PCDHA11: variants seen among roughly 807,000 people sequenced by gnomAD.
The protein encoded by PCDHA11 is protocadherin alpha-11.
Under a neutral mutation model 70.3 loss-of-function variants are expected in PCDHA11, and 61 were observed. The ratio of observed to expected loss-of-function variants is 0.87; its 90% CI spans 0.71 to 1.07. The LOEUF is 1.07. PCDHA11 is among the 50% of genes least tolerant of loss of function. PCDHA11 has a pLI of 0.00. For synonymous variants in PCDHA11, 633 were observed against 555.1 expected, an observed-to-expected ratio of 1.14 and a Z score of -1.97; for missense variants, 1,324 against 1,237.5, an observed-to-expected ratio of 1.07 and a Z score of -1.05.
At chr5:141,007,839 A>C (rs782046722) in intron 3 of PCDHA11, among the ~76,000 whole-genome samples, 2 of 152,226 alleles carry the variant, frequency 1.3e-5, no homozygotes, top group Non-Finnish European at 2.9e-5. Context: ...TACCCATTAG[A>C]GACTCAAAGT....
chr5:140,883,768 C>T, intron 1 of PCDHA11: 1 of 1,612,160 alleles, frequency 6.2e-7, no homozygotes, highest in Non-Finnish European at 8.5e-7. Flanking sequence ...GGCGGGTGGG[C>T]GAGCGTGCGC....
intron 1 of PCDHA11, among the ~76,000 whole-genome samples, chr5:140,961,697 T>A (rs1326642906): frequency 6.6e-6 from 1 of 152,232 alleles, no homozygotes; most frequent in Non-Finnish European, 1.5e-5. Flanking sequence ...GTCCTTAGTA[T>A]GAATGCCTTC....
chr5:141,008,036 C>G (rs1372261299), intron 3 of PCDHA11, among the ~76,000 whole-genome samples: 1 of 151,938 alleles, frequency 6.6e-6, no homozygotes, highest in Non-Finnish European at 1.5e-5. Context: ...GTTAATCTGC[C>G]TTTTGTAACA....
At chr5:140,956,925 G>GA (rs1487375223) in intron 1 of PCDHA11, among the ~76,000 whole-genome samples, 1 of 151,858 alleles carries the variant, frequency 6.6e-6, no homozygotes, top group Non-Finnish European at 1.5e-5. Context: ...AATCTTGCTG[G>GA]ATATAGGATA....
intron 1 of PCDHA11, chr5:140,930,379 G>T (rs1249793792): frequency 6.6e-6 from 1 of 151,896 alleles, no homozygotes; most frequent in African/African-American, 2.4e-5. Flanking sequence ...GTGGCCCTTG[G>T]CATTTCAAAA....
chr5:140,884,988 ATGTT>A (rs1398620689), intron 1 of PCDHA11, among the ~76,000 whole-genome samples: 1 of 152,242 alleles, frequency 6.6e-6, no homozygotes, highest in Non-Finnish European at 1.5e-5. Context: ...CATTTAGAAA[ATGTT>A]TGTTTTAATG....
chr5:140,993,234 A>AATCTG (rs1554253510), intron 3 of PCDHA11, among the ~76,000 whole-genome samples: 1 of 152,130 alleles, frequency 6.6e-6, no homozygotes, highest in Non-Finnish European at 1.5e-5. Flanking sequence ...GTTCTCTCTG[A>AATCTG]ATCTGGGGAT....
rs375716587 is a variant in PCDHA11 at position 140,871,025 on chromosome 5, C to T, written c.1922C>T (p.Ser641Leu). ...ACGCGTGCCCTGGACGAGGCAGACT[C>T]GCCGCGCCACCGACTTCTAGTACTG... ...STTRALDEAD[S>L]PRHRLLVLVK... is the part of the protein sequence containing the mutation. The change falls in exon 1 of 4, where the codon TCG becomes TTG. Residue 641 changes from serine (S) to leucine (L), a missense_variant. Transcript: ENST00000398640. 13 of 1,613,228 alleles carry T rather than the reference C, an allele frequency of 8.1e-6. No homozygotes were observed. Among genetic ancestry groups the T allele is most frequent in the Admixed American group, 1.7e-5 (1 of 60,010 alleles).
chr5:140,871,314 G>T lies in PCDHA11; in HGVS notation c.2211G>T (p.Thr737=). ...GCGCGTGCGCGCCGGGGAAGCCCAC[G>T]CTGGTGTGCTCCCGCGCGGTGGGGA... ...TEGACAPGKP[T]LVCSRAVGSW... The change falls in exon 1 of 4, where the codon ACG becomes ACT. Residue 737 remains threonine, a synonymous_variant. Coordinates refer to ENST00000398640, the MANE Select transcript of PCDHA11 (RefSeq NM_018902.5). 1.2e-6 allele frequency: 2 copies of T among 1,614,048 alleles called. No individual in the cohort carries two copies. The highest frequency in any genetic ancestry group is 1.7e-6 in the Non-Finnish European group (2 of 1,180,004).
intron 1 of PCDHA11, among the ~76,000 whole-genome samples, chr5:140,913,322 T>G (rs1348973730): frequency 6.6e-6 from 1 of 152,190 alleles, no homozygotes; most frequent in Non-Finnish European, 1.5e-5. Context: ...GTAAGTTGTA[T>G]GTGTCTAGGA....
chr5:140,972,399 T>C (rs1554234105), intron 1 of PCDHA11, among the ~76,000 whole-genome samples: 2 of 152,062 alleles, frequency 1.3e-5, no homozygotes, highest in South Asian at 2.1e-4. Context: ...TGCTTCACTA[T>C]TGGCAAACCC....
chr5:140,985,268 A>G (rs1399255449), intron 3 of PCDHA11, among the ~76,000 whole-genome samples: 6 of 152,098 alleles, frequency 3.9e-5, no homozygotes, highest in African/African-American at 1.2e-4. Context: ...TTTCTGGACT[A>G]CTTTTCTGCA....
intron 1 of PCDHA11, among the ~76,000 whole-genome samples, chr5:140,904,446 T>C (rs34807894): frequency 0.32 from 47,642 of 151,146 alleles, 7,868 homozygotes; most frequent in East Asian, 0.52. Context: ...TATTACAATT[T>C]CTTTATACAC....
At chr5:140,874,703 A>G (rs782809395) in intron 1 of PCDHA11, among the ~76,000 whole-genome samples, 16 of 152,270 alleles carry the variant, frequency 1.1e-4, no homozygotes, top group Admixed American at 7.2e-4. Flanking sequence ...TATGGAAATG[A>G]GAGCAGTTAT....
intron 1 of PCDHA11, among the ~76,000 whole-genome samples, chr5:140,872,046 C>T (rs1554166008): frequency 6.6e-6 from 1 of 152,230 alleles, no homozygotes; most frequent in Non-Finnish European, 1.5e-5. Context: ...AGAATTCTCC[C>T]ACTTCAGCCT....
intron 1 of PCDHA11, among the ~76,000 whole-genome samples, chr5:140,872,601 AAAT>A (rs1346815805): frequency 2.6e-5 from 4 of 152,140 alleles, no homozygotes; most frequent in African/African-American, 7.2e-5. Flanking sequence ...CCATCTGAAA[AAAT>A]AATTTTTTTT....
intron 1 of PCDHA11, among the ~76,000 whole-genome samples, chr5:140,974,018 T>C (rs2096611642): frequency 1.3e-5 from 2 of 152,222 alleles, no homozygotes; most frequent in Non-Finnish European, 1.5e-5. Context: ...CATGTGATAA[T>C]ACAACTATAA....
intron 1 of PCDHA11, among the ~76,000 whole-genome samples, chr5:140,965,255 G>C (rs1426270395): frequency 1.3e-5 from 2 of 152,196 alleles, no homozygotes; most frequent in Non-Finnish European, 2.9e-5. Context: ...ATTCAGAACT[G>C]AGCAGCAGAG....
intron 2 of PCDHA11, among the ~76,000 whole-genome samples, chr5:140,979,275 C>T (rs141662665): frequency 6.6e-6 from 1 of 152,320 alleles, no homozygotes; most frequent in East Asian, 1.9e-4. Flanking sequence ...AAAATTTCTA[C>T]AGGGAAGTAA....
Sources: gnomAD v4.1 joint callset for allele counts (sites outside exome capture counted in the v4.1 genomes callset) on GRCh38, gnomAD v4.1.1 for gene constraint, MANE v1.5 for transcripts, NCBI Gene and HGNC (gene_info 2026-07-23, HGNC 2026-07-21) for gene names.